The following SMURF2 variants were observed in gnomAD, a reference collection of about 807,000 sequenced individuals.
SMURF2 encodes the protein SMAD specific E3 ubiquitin protein ligase 2.
In SMURF2, 48 loss-of-function variants were observed where a neutral mutation model predicts 109.6. The observed-to-expected ratio is 0.44, with a 90% CI of 0.35 to 0.56. The LOEUF (loss-of-function observed/expected upper bound fraction) is 0.56. Ranked by LOEUF, SMURF2 falls within the 20% of genes least tolerant of loss-of-function variation. SMURF2 has a pLI of 0.01. For synonymous variants in SMURF2, 288 were observed against 317.1 expected, an observed-to-expected ratio of 0.91 and a Z score of 0.97; for missense variants, 575 against 909.0, an observed-to-expected ratio of 0.63 and a Z score of 4.72.
intron 1 of SMURF2, among the ~76,000 whole-genome samples, chr17:64,624,468 G>A (rs766962781): frequency 1.3e-3 from 201 of 149,260 alleles, no homozygotes; most frequent in Middle Eastern, 3.4e-3. Flanking sequence ...CAAGTAGCTG[G>A]GATTACAGGC....
rs782399287 is a variant in SMURF2, at chr17:64,583,561, G to A, written c.486-17C>T. 6.3e-7 allele frequency: 1 copy of A among 1,592,598 alleles called. No individual in the cohort carries two copies. Among genetic ancestry groups the A allele is most frequent in the East Asian group, 2.2e-5 (1 of 44,752 alleles). Reference sequence around the variant, plus strand: ...TCTTCCCAGCTTAAATAAAAATATTGAGTGATAAGGCATTAATAGGAAACT... The same window carrying A: ...TCTTCCCAGCTTAAATAAAAATATTAAGTGATAAGGCATTAATAGGAAACT... On this transcript the variant is annotated splice_polypyrimidine_tract_variant and intron_variant, in intron 6 of 18. Transcript: ENST00000262435.
intron 2 of SMURF2, among the ~76,000 whole-genome samples, chr17:64,600,347 TAGAG>T (rs1296943215): frequency 7.2e-5 from 11 of 152,216 alleles, no homozygotes; most frequent in Admixed American, 3.9e-4. Context: ...CTAAAAATGT[TAGAG>T]AGACAAAAAT....
intron 6 of SMURF2, among the ~76,000 whole-genome samples, chr17:64,584,336 C>T (rs1325976741): frequency 3.5e-5 from 5 of 141,256 alleles, no homozygotes; most frequent in South Asian, 2.2e-4. Context: ...AAAAAAAAAT[C>T]GAAACAGCTA....
At chr17:64,571,683 C>A in intron 10 of SMURF2, 115 bp downstream of exon 10, 1 of 1,122,038 alleles carries the variant, frequency 8.9e-7, no homozygotes, top group Non-Finnish European at 1.2e-6. Context: ...CCTCCCAAAG[C>A]ACTGGGATTA....
intron 10 of SMURF2, among the ~76,000 whole-genome samples, chr17:64,568,445 C>G (rs891604184): frequency 1.1e-4 from 16 of 152,160 alleles, no homozygotes; most frequent in African/African-American, 3.6e-4. Context: ...CTCTTGGAGG[C>G]TTCCTGGGCC....
At chr17:64,618,970 C>T (rs1555690337) in intron 1 of SMURF2, among the ~76,000 whole-genome samples, 1 of 152,148 alleles carries the variant, frequency 6.6e-6, no homozygotes, top group African/African-American at 2.4e-5. Context: ...AACTACTTAA[C>T]TTCTCTTTGC....
intron 2 of SMURF2, among the ~76,000 whole-genome samples, chr17:64,603,946 C>T: frequency 6.6e-6 from 1 of 152,100 alleles, no homozygotes; most frequent in Non-Finnish European, 1.5e-5. Context: ...TTAAAATTTG[C>T]TTTTCTCATT....
At chr17:64,577,580 A>C (rs1568181105) in intron 9 of SMURF2, among the ~76,000 whole-genome samples, 1 of 147,284 alleles carries the variant, frequency 6.8e-6, no homozygotes, top group African/African-American at 2.6e-5. Context: ...TAAATAAATA[A>C]AACACTAAAA....
At chr17:64,642,089 G>A (rs1970499434) in intron 1 of SMURF2, among the ~76,000 whole-genome samples, 1 of 152,200 alleles carries the variant, frequency 6.6e-6, no homozygotes, top group Non-Finnish European at 1.5e-5. Flanking sequence ...TTACAGGCGT[G>A]AGCCATCACG....
chr17:64,641,238 A>C (rs1055039100), intron 1 of SMURF2, among the ~76,000 whole-genome samples: 6 of 152,164 alleles, frequency 3.9e-5, no homozygotes, highest in African/African-American at 1.4e-4. Context: ...CCATTTGTTA[A>C]GTGCTCTGTA....
intron 8 of SMURF2, among the ~76,000 whole-genome samples, chr17:64,579,557 T>C (rs1373515544): frequency 2.0e-5 from 3 of 152,178 alleles, no homozygotes; most frequent in Non-Finnish European, 4.4e-5. Flanking sequence ...CACAGAAATA[T>C]TGTAGAAGTA....
At chr17:64,551,899 A>C (rs1555683659) in intron 15 of SMURF2, among the ~76,000 whole-genome samples, 195 bp from the exon 16 acceptor site, 10 of 152,198 alleles carry the variant, frequency 6.6e-5, no homozygotes. Context: ...AATGTTGATG[A>C]AAAGTGGTAA....
intron 1 of SMURF2, among the ~76,000 whole-genome samples, chr17:64,642,582 T>A (rs1369145630): frequency 6.6e-6 from 1 of 152,180 alleles, no homozygotes; most frequent in Non-Finnish European, 1.5e-5. Flanking sequence ...GAACCAAGAA[T>A]TATCACACAT....
intron 2 of SMURF2, among the ~76,000 whole-genome samples, chr17:64,600,483 A>AT (rs1375927623): frequency 6.6e-6 from 1 of 152,162 alleles, no homozygotes; most frequent in Non-Finnish European, 1.5e-5. Flanking sequence ...ATCAATGCTA[A>AT]TTTTTTTAAG....
Position 64,565,623 on chromosome 17 carries a change from A to C in SMURF2, c.1017-2657T>G, listed in dbSNP as rs1334364862. On this transcript the variant is annotated intron_variant, in intron 10 of 18. Transcript: ENST00000262435. The stretch of plus-strand genomic sequence containing the variant: ...TCAAAACATGAAGGGAAAAAAAAAA[A>C]CCTCCATAGTCAGACTGGGTGGATT... Among the ~76,000 whole-genome samples the C allele has an allele frequency of 3.3e-5, 5 of 151,570 alleles. No individual in the cohort carries two copies. The East Asian group carries it at 7.7e-4, about 23-fold the overall frequency.
intron 3 of SMURF2, among the ~76,000 whole-genome samples, chr17:64,596,683 G>A (rs188990426): frequency 2.2e-4 from 33 of 150,278 alleles, no homozygotes; most frequent in African/African-American, 7.1e-4. Context: ...GGACAACTGC[G>A]CAGTGGGTCT....
intron 1 of SMURF2, among the ~76,000 whole-genome samples, chr17:64,621,818 A>G (rs1429975531): frequency 5.9e-5 from 9 of 151,354 alleles, no homozygotes; most frequent in African/African-American, 2.2e-4. Context: ...AGGCGGAGGT[A>G]GCAGTGAGCA....
At chr17:64,657,689 A>G (rs1385491866) in intron 1 of SMURF2, among the ~76,000 whole-genome samples, 4 of 151,552 alleles carry the variant, frequency 2.6e-5, no homozygotes, top group African/African-American at 9.7e-5. Flanking sequence ...ACTGCACTCC[A>G]GTGTGGGCAA....
intron 1 of SMURF2, among the ~76,000 whole-genome samples, chr17:64,649,009 T>C (rs1457989760): frequency 6.6e-6 from 1 of 152,190 alleles, no homozygotes; most frequent in African/African-American, 2.4e-5. Flanking sequence ...TGTTTTCTTC[T>C]TCACTGGAGG....
Sources: gnomAD v4.1 joint callset for allele counts (sites outside exome capture counted in the v4.1 genomes callset) on GRCh38, gnomAD v4.1.1 for gene constraint, MANE v1.5 for transcripts, NCBI Gene and HGNC (gene_info 2026-07-23, HGNC 2026-07-21) for gene names.